The following PALLD variants were observed in gnomAD, a reference collection of about 807,000 sequenced individuals.
PALLD encodes the protein palladin, cytoskeletal associated protein, also known as palladin.
In PALLD, 61 loss-of-function variants were observed where a neutral mutation model predicts 123.5. The ratio of observed to expected loss-of-function variants is 0.49; its 90% CI spans 0.40 to 0.61. The LOEUF (loss-of-function observed/expected upper bound fraction) is 0.61, where lower values mean the gene tolerates loss of function less well. Ranked by LOEUF, PALLD falls within the 20% of genes least tolerant of loss-of-function variation. The pLI, the probability that PALLD is intolerant of heterozygous loss-of-function variation, is 0.00. For missense variants in PALLD, 1,273 were observed against 1,377.0 expected, an observed-to-expected ratio of 0.92 and a Z score of 1.20; for synonymous variants, 465 against 496.4, an observed-to-expected ratio of 0.94 and a Z score of 0.84.
intron 2 of PALLD, among the ~76,000 whole-genome samples, chr4:168,522,399 A>G (rs559764069): frequency 3.9e-5 from 6 of 152,362 alleles, no homozygotes; most frequent in Admixed American, 1.3e-4. Context: ...TTAATTTATT[A>G]GTATGCAAAC....
At chr4:168,794,169 TG>T (rs1278806175) in intron 10 of PALLD, among the ~76,000 whole-genome samples, 1 of 152,186 alleles carries the variant, frequency 6.6e-6, no homozygotes, top group Non-Finnish European at 1.5e-5. Flanking sequence ...AGGATGGTCC[TG>T]TGGATGGAGT....
At chr4:168,507,146 A>G (rs1474424650) in intron 1 of PALLD, among the ~76,000 whole-genome samples, 1 of 152,188 alleles carries the variant, frequency 6.6e-6, no homozygotes. Flanking sequence ...GGCTCAAATC[A>G]AAATCAAGCT....
At position 168,927,947 on chromosome 4, in the gene PALLD, TACTC is replaced by T. The variant is rs1226849480; in HGVS notation, c.*1769_*1772del. The T allele has an allele frequency of 3.5e-5, 7 of 199,372 alleles. No homozygotes were observed. Among genetic ancestry groups the T allele is most frequent in the African/African-American group, 1.4e-4 (6 of 43,414 alleles). 12.4% of individuals were successfully genotyped at this position (199,372 alleles called of 1,614,324 possible). A position where few individuals can be genotyped will look rare whatever the true frequency, so the allele number is the denominator to read the frequency against. On this transcript the variant is annotated 3_prime_UTR_variant, in exon 22 of 22. Coordinates refer to ENST00000505667, the MANE Select transcript of PALLD (RefSeq NM_001166108.2). ...TATAAGTGGCCTCTCTTAGCTCAGT[TACTC>T]AATTCATACGTAGTATTTTTTAAAA...
intron 2 of PALLD, among the ~76,000 whole-genome samples, chr4:168,608,508 C>T (rs1414922552): frequency 6.6e-6 from 1 of 152,176 alleles, no homozygotes; most frequent in African/African-American, 2.4e-5. Flanking sequence ...TGTAAGCGTT[C>T]ATTGAAGTTT....
At chr4:168,832,150 G>A in intron 10 of PALLD, 1 of 985,574 alleles carries the variant, frequency 1.0e-6, no homozygotes, top group Non-Finnish European at 1.2e-6. Flanking sequence ...GGCAGCAGCG[G>A]GAGGCGGCCC....
At chr4:168,868,103 G>C (rs1500802) in intron 10 of PALLD, among the ~76,000 whole-genome samples, 128,265 of 152,018 alleles carry the variant, frequency 0.84, 54,284 homozygotes, top group East Asian at 1. Context: ...GTGATTCTAT[G>C]CTTCTAGACA....
rs143954958 is a variant in PALLD at position 168,884,550 on chromosome 4, C to T, written c.1965-6372C>T. The stretch of plus-strand genomic sequence containing the variant: ...TGCTCATACTTCTGTCCTTTCATTG[C>T]GTTTACCACCTCCTGATATGTCTTG... On this transcript the variant is annotated intron_variant, in intron 10 of 21. Transcript: ENST00000505667. 2.9e-3 allele frequency among the ~76,000 whole-genome samples: 445 copies of T among 152,314 alleles called. 1 individual carries two copies. The highest frequency in any genetic ancestry group is 5.0e-3 in the Non-Finnish European group (343 of 68,034).
chr4:168,610,081 C>T (rs1374413431), intron 2 of PALLD, among the ~76,000 whole-genome samples: 4 of 152,206 alleles, frequency 2.6e-5, no homozygotes, highest in Non-Finnish European at 5.9e-5. Context: ...ATTGGTTCTT[C>T]ATAACTTCTT....
intron 1 of PALLD, among the ~76,000 whole-genome samples, chr4:168,499,204 A>G (rs1260209656): frequency 4.8e-5 from 6 of 125,946 alleles, no homozygotes; most frequent in African/African-American, 1.8e-4. Flanking sequence ...AAAAAAAAAA[A>G]AAGGAAGGAA....
chr4:168,539,216 AT>A (rs1254011983), intron 2 of PALLD, among the ~76,000 whole-genome samples: 1 of 152,154 alleles, frequency 6.6e-6, no homozygotes, highest in African/African-American at 2.4e-5. Flanking sequence ...CTTTTCCATA[AT>A]TTGTCAGCTA....
rs193260355 is a variant in PALLD at position 168,803,425 on chromosome 4, T to G, written c.1965-87497T>G. On this transcript the variant is annotated intron_variant, in intron 10 of 21. Transcript: ENST00000505667. ...ATCTAAAATAAAAGTTGAAAAAAATTTTAAAAAGAAAATTGTTGGGAGGCT... is the reference window on the plus strand; with the variant it reads ...ATCTAAAATAAAAGTTGAAAAAAATGTTAAAAAGAAAATTGTTGGGAGGCT... Among the ~76,000 whole-genome samples, 392 of 152,070 alleles carry G rather than the reference T, an allele frequency of 2.6e-3. 1 individual carries two copies. Among genetic ancestry groups the G allele is most frequent in the African/African-American group, 8.5e-3 (351 of 41,496 alleles).
At chr4:168,556,986 G>A (rs566837410) in intron 2 of PALLD, among the ~76,000 whole-genome samples, 24 of 151,764 alleles carry the variant, frequency 1.6e-4, no homozygotes, top group East Asian at 1.9e-4. Context: ...AGCCTCCCCC[G>A]GGAACTGTCA....
Position 168,511,763 on chromosome 4 carries a change from G to A in PALLD, c.259G>A (p.Gly87Ser), listed in dbSNP as rs2149427628. 6.2e-7 allele frequency: 1 copy of A among 1,614,144 alleles called. No homozygotes were observed. Among genetic ancestry groups the A allele is most frequent in the African/African-American group, 1.3e-5 (1 of 75,034 alleles). The stretch of plus-strand genomic sequence containing the variant: ...TCCTTCCCATAAGGAGACCAAATTG[G>A]GTGAACACGCCTCGAGGAGACCTCA... ...EHPSHKETKL[G>S]EHASRRPQDN... Residue 87 changes from glycine to serine, a missense_variant, in exon 2 of 22, where the codon GGT (glycine) becomes AGT (serine). Physicochemically the swap from Gly to Ser is moderately conservative, Grantham distance 56. Transcript: ENST00000505667.
At chr4:168,660,912 T>C (rs923325941) in intron 2 of PALLD, among the ~76,000 whole-genome samples, 36 of 151,872 alleles carry the variant, frequency 2.4e-4, no homozygotes, top group African/African-American at 6.8e-4. Flanking sequence ...TTTTTTTTTT[T>C]CCTTTTTTTT....
In PALLD at chr4:168,898,551, A is replaced by C; in HGVS notation, c.2309A>C (p.Glu770Ala). ...RLISEIEYRL[E>A]RSPVDESGDE... The stretch of plus-strand genomic sequence containing the variant: ...ATCAGTGAAATAGAGTACAGGCTAG[A>C]AAGGTCTCCTGTGGATGAATCAGGT... The change falls in exon 14 of 22, where the codon GAA becomes GCA. Residue 770 changes from glutamate (E) to alanine (A), a missense_variant. This residue lies in a region of PALLD where 944 missense variants were observed against 954.5 expected (regional missense o/e 0.99). Transcript: ENST00000505667. 1 of 1,613,828 alleles carries C rather than the reference A, an allele frequency of 6.2e-7. No individual in the cohort carries two copies. The highest frequency in any genetic ancestry group is 8.5e-7 in the Non-Finnish European group (1 of 1,179,678).
chr4:168,773,199 ATTG>A (rs745693023), intron 10 of PALLD, among the ~76,000 whole-genome samples: 1 of 152,216 alleles, frequency 6.6e-6, no homozygotes, highest in Non-Finnish European at 1.5e-5. Flanking sequence ...GTGAAATTAA[ATTG>A]TTGTCTTAAA....
chr4:168,707,710 T>A lies in PALLD; in HGVS notation c.1502-1318T>A, dbSNP rs116596316. ...TGCAGAGGCACATTAAAAAGAGGCA[T>A]GTCTACAAAGGAAGGAATAATTGCA... On this transcript the variant is annotated intron_variant, in intron 8 of 21. Coordinates refer to ENST00000505667, the MANE Select transcript of PALLD (RefSeq NM_001166108.2). Among the ~76,000 whole-genome samples the A allele has an allele frequency of 6.8e-3, 1,037 of 152,250 alleles. 10 individuals are homozygous for A. The highest frequency in any genetic ancestry group is 0.024 in the African/African-American group (976 of 41,528).
intron 10 of PALLD, among the ~76,000 whole-genome samples, chr4:168,818,741 T>C (rs1176336122): frequency 6.6e-6 from 1 of 152,218 alleles, no homozygotes; most frequent in Non-Finnish European, 1.5e-5. Flanking sequence ...ACAAAAAATT[T>C]AGAAGTCAAA....
At chr4:168,660,132 A>G (rs1778986628) in intron 2 of PALLD, among the ~76,000 whole-genome samples, 1 of 152,190 alleles carries the variant, frequency 6.6e-6, no homozygotes, top group Non-Finnish European at 1.5e-5. Flanking sequence ...TCAGAGCCCC[A>G]CTGCCAGTTG....
Sources: allele counts gnomAD v4.1 joint callset (sites outside exome capture counted in the v4.1 genomes callset), GRCh38; gene constraint gnomAD v4.1.1; regional missense constraint gnomAD v4.1.1; transcripts MANE v1.5; gene names NCBI Gene and HGNC (gene_info 2026-07-23, HGNC 2026-07-21).